The following OIT3 variants were observed in gnomAD, a reference collection of about 807,000 sequenced individuals.
The protein encoded by OIT3 is oncoprotein-induced transcript 3 protein.
A neutral mutation model predicts 52.2 loss-of-function variants in OIT3; 41 were observed. The observed-to-expected ratio is 0.79, with a 90% CI of 0.61 to 1.02. The LOEUF (loss-of-function observed/expected upper bound fraction) is 1.02, where lower values mean the gene tolerates loss of function less well. Among genes scored for constraint, OIT3 ranks in the 50% least tolerant of loss-of-function variants. OIT3 has a pLI of 0.00. For synonymous variants in OIT3, 244 were observed against 276.9 expected (o/e 0.88, Z 1.18); for missense variants, 634 against 715.5 (o/e 0.89, Z 1.30).
intron 1 of OIT3, among the ~76,000 whole-genome samples, 175 bp from the exon 2 acceptor site, chr10:72,898,489 T>C (rs1247687654): frequency 6.6e-6 from 1 of 152,240 alleles, no homozygotes; most frequent in Non-Finnish European, 1.5e-5. Flanking sequence ...AGGGCATTTA[T>C]GCAACATGTT....
chr10:72,899,652 G>A (rs1589520529), intron 2 of OIT3, among the ~76,000 whole-genome samples: 1 of 151,290 alleles, frequency 6.6e-6, no homozygotes, highest in African/African-American at 2.4e-5. Context: ...TTATCTAAAT[G>A]GTGGATTTCC....
At chr10:72,905,780 A>G (rs1845973832) in intron 3 of OIT3, among the ~76,000 whole-genome samples, 1 of 152,168 alleles carries the variant, frequency 6.6e-6, no homozygotes, top group African/African-American at 2.4e-5. Flanking sequence ...CACTGGGCAA[A>G]GTTCTCCCCA....
intron 1 of OIT3, among the ~76,000 whole-genome samples, chr10:72,895,545 G>A (rs1845868219): frequency 1.3e-5 from 2 of 152,168 alleles, no homozygotes; most frequent in South Asian, 4.1e-4. Flanking sequence ...GCAAAGTGGG[G>A]TGATGAGGGA....
In OIT3 at chr10:72,932,806, C is replaced by G. The variant is rs2132954277; in HGVS notation, c.*282C>G. The G allele has an allele frequency of 3.0e-6, 1 of 336,930 alleles. No individual in the cohort carries two copies. The highest frequency in any genetic ancestry group is 2.1e-5 in the African/African-American group (1 of 47,306). 20.9% of individuals were successfully genotyped at this position (336,930 alleles called of 1,614,324 possible). A position where few individuals can be genotyped will look rare whatever the true frequency, so the allele number is the denominator to read the frequency against. On this transcript the variant is annotated 3_prime_UTR_variant, in exon 9 of 9. Coordinates refer to ENST00000334011, the MANE Select transcript of OIT3 (RefSeq NM_152635.3). ...CCATTTCCCTCATTTCTTTCCTACA[C>G]TTAAATACCTCGTGTATGGTGCAAT...
chr10:72,932,446 G>A lies in OIT3; in HGVS notation c.1560G>A (p.Gly520=), dbSNP rs753550601. The stretch of plus-strand genomic sequence containing the variant: ...GTTGCCACCGGCGAATGCGTCGTGG[G>A]GCAGGAGGAGAGGACTCAGCCGGTC... ...AQGCHRRMRR[G]AGGEDSAGLQ... is the part of the protein sequence containing the mutation. The change falls in exon 9 of 9, where the codon GGG becomes GGA. Residue 520 remains glycine (G), a synonymous_variant. Transcript: ENST00000334011. 1.2e-6 allele frequency: 2 copies of A among 1,614,150 alleles called. No individual in the cohort carries two copies. The highest frequency in any genetic ancestry group is 2.2e-5 in the South Asian group (2 of 91,076).
chr10:72,898,761 C>G lies in OIT3; in HGVS notation c.159C>G (p.Asn53Lys), dbSNP rs138607160. The change falls in exon 2 of 9, where the codon AAC (asparagine) becomes AAG (lysine). Residue 53 changes from asparagine to lysine, a missense_variant. Physicochemically the swap from Asn to Lys is moderately conservative, Grantham distance 94. Transcript: ENST00000334011. Reference protein sequence around the residue: ...DESQGPPLCDNHVNGEWYHFT... With the variant: ...DESQGPPLCDKHVNGEWYHFT... ...CTCAAGGTCCTCCTCTATGTGACAA[C>G]CATGTGAATGGGGAGTGGTACCACT... The G allele has an allele frequency of 1.1e-4, 183 of 1,614,040 alleles. No individual in the cohort carries two copies. The highest frequency in any genetic ancestry group is 1.4e-4 in the Non-Finnish European group (169 of 1,180,028).
In OIT3 at chr10:72,914,353, C is replaced by A. The variant is rs191121920; in HGVS notation, c.951+885C>A. On this transcript the variant is annotated intron_variant, in intron 6 of 8. Coordinates refer to ENST00000334011, the MANE Select transcript of OIT3 (RefSeq NM_152635.3). ...GATGAATGCCATGATCTGACAGCAA[C>A]TTGCAAGATGGATAGAGCAGAGGGG... Among the ~76,000 whole-genome samples, 68 of 152,282 alleles carry A rather than the reference C, an allele frequency of 4.5e-4. No homozygotes were observed. The East Asian group carries it at 8.9e-3, about 20-fold the overall frequency.
chr10:72,908,530 A>G (rs962512780), intron 4 of OIT3, among the ~76,000 whole-genome samples: 1 of 152,204 alleles, frequency 6.6e-6, no homozygotes, highest in African/African-American at 2.4e-5. Context: ...CTGAGAGACC[A>G]TTAACCAGAA....
At chr10:72,903,266 C>T (rs1845949490) in intron 3 of OIT3, among the ~76,000 whole-genome samples, 1 of 151,964 alleles carries the variant, frequency 6.6e-6, no homozygotes, top group Non-Finnish European at 1.5e-5. Flanking sequence ...ACTCCTGTTG[C>T]CCAGGCTGGA....
In OIT3 at chr10:72,909,680, C is replaced by A. The variant is rs534407829; in HGVS notation, c.668-2037C>A. Among the ~76,000 whole-genome samples, 12 of 152,248 alleles carry A rather than the reference C, an allele frequency of 7.9e-5. No individual in the cohort carries two copies. The South Asian group carries it at 2.5e-3, about 32-fold the overall frequency. The stretch of plus-strand genomic sequence containing the variant: ...TGGGGCAATCTCAGCTCACAGCAAC[C>A]TCTGCCTCCCAGGTCAAGCGATTCT... On this transcript the variant is annotated intron_variant, in intron 4 of 8. Transcript: ENST00000334011.
rs1846084560 is a variant in OIT3, at chr10:72,917,622, T to C, written c.951+4154T>C. On this transcript the variant is annotated intron_variant, in intron 6 of 8. Transcript: ENST00000334011. ...AAGATGGAAAATTTTTAACAAATTGTTTAAACTATTTTCTTAAAGAGACTT... is the reference window on the plus strand; with the variant it reads ...AAGATGGAAAATTTTTAACAAATTGCTTAAACTATTTTCTTAAAGAGACTT... The C allele has an allele frequency of 1.1e-5, 9 of 812,390 alleles. No individual in the cohort carries two copies. The South Asian group carries it at 1.2e-4, about 11-fold the overall frequency. The allele number at this position is 812,390 out of a possible 1,614,324, so 50.3% of individuals were successfully genotyped here.
In OIT3 at chr10:72,924,650, G is replaced by A. The variant is rs372583320; in HGVS notation, c.1367+6G>A. On this transcript the variant is annotated splice_donor_region_variant and intron_variant, in intron 7 of 8. Coordinates refer to ENST00000334011, the MANE Select transcript of OIT3 (RefSeq NM_152635.3). ...TACTACCTCATCCGGGATGGGTAAT[G>A]CTGCTGCAAGAATGGTCTCATCACC... is the stretch of plus-strand genomic sequence containing the variant. The A allele has an allele frequency of 2.6e-5, 41 of 1,592,716 alleles. No homozygotes were observed. In the African/African-American group the frequency reaches 5.1e-4, roughly 20 times the overall value.
intron 2 of OIT3, 80 bp from the exon 3 acceptor site, chr10:72,900,297 C>T (rs1340335474): frequency 5.2e-6 from 4 of 762,622 alleles, no homozygotes; most frequent in Admixed American, 4.5e-5. Context: ...CCCCCCGACC[C>T]CCCGCACCAT....
chr10:72,925,875 G>C (rs1458959342), intron 7 of OIT3, among the ~76,000 whole-genome samples: 1 of 152,190 alleles, frequency 6.6e-6, no homozygotes, highest in East Asian at 1.9e-4. Context: ...CCAAAGTGCT[G>C]GGATTATAGG....
intron 8 of OIT3, among the ~76,000 whole-genome samples, chr10:72,931,358 G>A (rs1227698198): frequency 6.6e-6 from 1 of 152,088 alleles, no homozygotes; most frequent in Non-Finnish European, 1.5e-5. Context: ...GGGCATAGTG[G>A]CACACACCTG....
At chr10:72,924,040 ACAGT>A (rs140182333) in intron 6 of OIT3, among the ~76,000 whole-genome samples, 185 bp from the exon 7 acceptor site, 10,831 of 152,108 alleles carry the variant, frequency 0.071, 1,280 homozygotes, top group African/African-American at 0.25. Context: ...AAGACTCTTA[ACAGT>A]CAGGATGGCT....
intron 3 of OIT3, 39 bp downstream of exon 3, chr10:72,900,523 T>G (rs1436647644): frequency 8.8e-7 from 1 of 1,133,040 alleles, no homozygotes; most frequent in Admixed American, 2.0e-5. Context: ...GCTATTAGGA[T>G]CGAAAGGACA....
At chr10:72,905,807 C>T (rs1231548123) in intron 3 of OIT3, among the ~76,000 whole-genome samples, 1 of 152,196 alleles carries the variant, frequency 6.6e-6, no homozygotes, top group Non-Finnish European at 1.5e-5. Flanking sequence ...TGAGGGGATA[C>T]ATCTTCTGGG....
Position 72,898,673 on chromosome 10 carries a change from CT to C in OIT3, c.73del (p.Cys25ValfsTer7). ...TCTTTTTCATTTCCAGCCCTAGATC[CT>C]TGTTCTGCTTACATCAGCCTGAATG... The part of the protein sequence containing the change: ...GTSVSPVALD[P>X]CSAYISLNEP... On this transcript the variant is annotated frameshift_variant, in exon 2 of 9. Transcript: ENST00000334011. LOFTEE classifies it high-confidence loss of function. The C allele has an allele frequency of 6.2e-7, 1 of 1,608,660 alleles. No homozygotes were observed. The highest frequency in any genetic ancestry group is 8.5e-7 in the Non-Finnish European group (1 of 1,175,626).
Sources: allele counts gnomAD v4.1 joint callset (sites outside exome capture counted in the v4.1 genomes callset), GRCh38; gene constraint gnomAD v4.1.1; transcripts MANE v1.5; gene names NCBI Gene and HGNC (gene_info 2026-07-23, HGNC 2026-07-21).